The following SLC38A11 variants were observed in gnomAD, a reference collection of about 807,000 sequenced individuals.
The protein encoded by SLC38A11 is putative sodium-coupled neutral amino acid transporter 11.
In SLC38A11, 51 loss-of-function variants were observed where a neutral mutation model predicts 49.4. The observed-to-expected ratio is 1.03, with a 90% confidence interval of 0.83 to 1.30. The LOEUF (loss-of-function observed/expected upper bound fraction) is 1.30. SLC38A11 is among the 50% of genes most tolerant of loss of function. SLC38A11 has a pLI of 0.00. For synonymous variants in SLC38A11, 203 were observed against 192.9 expected (o/e 1.05, Z -0.43); for missense variants, 574 against 556.2 (o/e 1.03, Z -0.32).
intron 3 of SLC38A11, among the ~76,000 whole-genome samples, chr2:164,947,831 T>A (rs1232487044): frequency 1.3e-5 from 2 of 152,172 alleles, no homozygotes; most frequent in African/African-American, 4.8e-5. Flanking sequence ...TAATTTGTAA[T>A]CTTAACTTGC....
chr2:164,906,241 A>T (rs1353751809), intron 11 of SLC38A11, among the ~76,000 whole-genome samples: 2 of 152,242 alleles, frequency 1.3e-5, no homozygotes, highest in East Asian at 3.8e-4. Flanking sequence ...AACAGGAAAA[A>T]ACAGGGCTTG....
chr2:164,945,797 T>C (rs1688066467), intron 3 of SLC38A11, 70 bp from the exon 4 acceptor site: 2 of 1,518,646 alleles, frequency 1.3e-6, no homozygotes, highest in African/African-American at 1.4e-5. Context: ...TTAACTTAAT[T>C]ACCATCGAGA....
intron 3 of SLC38A11, among the ~76,000 whole-genome samples, chr2:164,947,117 C>CTTTTTTTTTTTTTTTTTTTTTTTTTT (rs200284770): frequency 1.4e-5 from 1 of 72,912 alleles, no homozygotes; most frequent in Admixed American, 1.3e-4. Flanking sequence ...TTTTTTATCT[C>CTTTTTTTTTTTTTTTTTTTTTTTTTT]TTTTTTTTTT....
intron 7 of SLC38A11, among the ~76,000 whole-genome samples, chr2:164,929,056 C>T (rs1219202275): frequency 6.6e-6 from 1 of 151,984 alleles, no homozygotes; most frequent in Non-Finnish European, 1.5e-5. Flanking sequence ...ACTGTTTTGC[C>T]ATGTTACTTT....
intron 3 of SLC38A11, among the ~76,000 whole-genome samples, chr2:164,946,562 CT>C (rs1429133113): frequency 1.3e-5 from 1 of 78,024 alleles, no homozygotes; most frequent in Non-Finnish European, 2.6e-5. Context: ...GAGACTCCCT[CT>C]CAAAAAAAAA....
chr2:164,925,887 C>A (rs527301560), intron 7 of SLC38A11, among the ~76,000 whole-genome samples: 12 of 152,110 alleles, frequency 7.9e-5, no homozygotes, highest in African/African-American at 2.9e-4. Context: ...CTATTTTATT[C>A]CTTTGGCAGT....
In SLC38A11 at chr2:164,944,564, C is replaced by T; in HGVS notation, c.430+5G>A. On this transcript the variant is annotated splice_donor_5th_base_variant and intron_variant, in intron 5 of 11. Transcript: ENST00000685975. The stretch of plus-strand genomic sequence containing the variant: ...TAAATCCTCACAATTTTTATTTTGG[C>T]TTACCTCCTGGGATTCTTTGAAAAA... 1 of 1,298,304 alleles carries T rather than the reference C, an allele frequency of 7.7e-7. No homozygotes were observed. The allele number at this position is 1,298,304 out of a possible 1,614,324, so 80.4% of individuals were successfully genotyped here.
In SLC38A11 at chr2:164,954,755, A is replaced by C; in HGVS notation, c.40-10T>G. ...TGTCATCTAAATCTCTCTAATAGAT[A>C]AAATAGCAATTATAAGCAAATACTA... On this transcript the variant is annotated splice_polypyrimidine_tract_variant and intron_variant, in intron 1 of 11. Transcript: ENST00000685975. The C allele has an allele frequency of 7.1e-7, 1 of 1,399,304 alleles. No homozygotes were observed. The highest frequency in any genetic ancestry group is 9.7e-7 in the Non-Finnish European group (1 of 1,029,742). The allele number at this position is 1,399,304 out of a possible 1,614,324, so 86.7% of individuals were successfully genotyped here. A position where few individuals can be genotyped will look rare whatever the true frequency, so the allele number is the denominator to read the frequency against.
chr2:164,925,907 G>A (rs1490573256), intron 7 of SLC38A11, among the ~76,000 whole-genome samples: 1 of 152,110 alleles, frequency 6.6e-6, no homozygotes, highest in Non-Finnish European at 1.5e-5. Context: ...TGAGTTCTGG[G>A]CCATCTACCC....
intron 6 of SLC38A11, chr2:164,937,708 T>C (rs1573979906): frequency 4.2e-6 from 1 of 236,370 alleles, no homozygotes; most frequent in Non-Finnish European, 8.2e-6. Context: ...TAGTGGCTCC[T>C]GCATGGAATA....
chr2:164,898,619 G>T lies in SLC38A11; in HGVS notation c.1207C>A (p.Pro403Thr). Residue 403 changes from proline to threonine, a missense_variant, in exon 12 of 12, where the codon CCC (proline) becomes ACC (threonine). By Grantham distance (38) the Pro-to-Thr change is conservative. Coordinates refer to ENST00000685975, the MANE Select transcript of SLC38A11 (RefSeq NM_001351537.2). ...AAAACCATCACCACAGCACCAATGG[G>T]AAGCATGACACAAGACATAATCTTA... Reference protein sequence around the residue: ...SDKIMSCVMLPIGAVVMVFGF... With the variant: ...SDKIMSCVMLTIGAVVMVFGF... 6.2e-7 allele frequency: 1 copy of T among 1,613,608 alleles called. No individual in the cohort carries two copies. Among genetic ancestry groups the T allele is most frequent in the East Asian group, 2.2e-5 (1 of 44,828 alleles).
intron 11 of SLC38A11, among the ~76,000 whole-genome samples, chr2:164,900,169 C>T (rs949577993): frequency 6.6e-6 from 1 of 152,038 alleles, no homozygotes; most frequent in Admixed American, 6.6e-5. Flanking sequence ...ACAGACAGAT[C>T]TATATGACAT....
intron 2 of SLC38A11, among the ~76,000 whole-genome samples, chr2:164,954,120 T>C (rs1688695536): frequency 6.6e-6 from 1 of 152,110 alleles, no homozygotes; most frequent in Non-Finnish European, 1.5e-5. Flanking sequence ...AATAATTTTG[T>C]ACTTTAAAAT....
chr2:164,908,284 T>C (rs1685156612), intron 11 of SLC38A11, among the ~76,000 whole-genome samples: 1 of 152,166 alleles, frequency 6.6e-6, no homozygotes, highest in Non-Finnish European at 1.5e-5. Context: ...AAAAGTACTC[T>C]AAACCAGGGT....
At chr2:164,930,161 A>T (rs904468243) in intron 7 of SLC38A11, among the ~76,000 whole-genome samples, 3 of 152,126 alleles carry the variant, frequency 2.0e-5, no homozygotes, top group African/African-American at 7.2e-5. Flanking sequence ...GAAGAAATGG[A>T]TAAATTCCTG....
chr2:164,934,897 C>A (rs1687252571), intron 7 of SLC38A11, among the ~76,000 whole-genome samples: 1 of 152,084 alleles, frequency 6.6e-6, no homozygotes, highest in African/African-American at 2.4e-5. Context: ...AAATAAATAT[C>A]AGTAGAATCA....
intron 7 of SLC38A11, among the ~76,000 whole-genome samples, chr2:164,918,431 A>C (rs1490957812): frequency 6.6e-6 from 1 of 152,194 alleles, no homozygotes; most frequent in Non-Finnish European, 1.5e-5. Flanking sequence ...CATACAACTC[A>C]GTATTTATTT....
At chr2:164,901,560 T>G (rs1684652434) in intron 11 of SLC38A11, among the ~76,000 whole-genome samples, 1 of 152,162 alleles carries the variant, frequency 6.6e-6, no homozygotes, top group Admixed American at 6.6e-5. Context: ...TCAGCTAGGT[T>G]ATTATTTGTG....
chr2:164,910,323 C>T lies in SLC38A11; in HGVS notation c.963+1313G>A, dbSNP rs1396801915. 3.3e-5 allele frequency among the ~76,000 whole-genome samples: 5 copies of T among 152,044 alleles called. No individual in the cohort carries two copies. The East Asian group carries it at 5.8e-4, about 18-fold the overall frequency. ...CAGGCAGGCAGTTTACTAGCAACCA[C>T]GTGAGAATGCACCATCTGTTCTTAC... On this transcript the variant is annotated intron_variant, in intron 10 of 11. Transcript: ENST00000685975.
Sources: gnomAD v4.1 joint callset for allele counts (sites outside exome capture counted in the v4.1 genomes callset) on GRCh38, gnomAD v4.1.1 for gene constraint, MANE v1.5 for transcripts, NCBI Gene and HGNC (gene_info 2026-07-23, HGNC 2026-07-21) for gene names.